PCDHA7: variants seen among roughly 807,000 people sequenced by gnomAD.
PCDHA7 encodes protocadherin alpha-7.
A neutral mutation model predicts 57.2 loss-of-function variants in PCDHA7; 37 were observed. The ratio of observed to expected loss-of-function variants is 0.65; its 90% confidence interval spans 0.50 to 0.85. PCDHA7 has a LOEUF of 0.85. PCDHA7 is among the 40% of genes least tolerant of loss of function. PCDHA7 has a pLI of 0.00. For synonymous variants in PCDHA7, 553 were observed against 558.8 expected (o/e 0.99, Z 0.15); for missense variants, 1,188 against 1,241.8 (o/e 0.96, Z 0.65).
chr5:140,928,012 A>C, intron 1 of PCDHA7: 2 of 1,614,190 alleles, frequency 1.2e-6, no homozygotes, highest in Non-Finnish European at 1.7e-6. Context: ...TTCTAATGGT[A>C]GGGTCATTTG....
At chr5:140,950,882 G>C (rs1182849126) in intron 1 of PCDHA7, among the ~76,000 whole-genome samples, 1 of 151,764 alleles carries the variant, frequency 6.6e-6, no homozygotes, top group Non-Finnish European at 1.5e-5. Flanking sequence ...TTGTTCAATA[G>C]GTCTCTGAGA....
chr5:140,927,643 G>A lies in PCDHA7; in HGVS notation c.2356-51306G>A. On this transcript the variant is annotated intron_variant, in intron 1 of 3. Coordinates refer to ENST00000525929, the MANE Select transcript of PCDHA7 (RefSeq NM_018910.3). The stretch of plus-strand genomic sequence containing the variant: ...TCCAGAGACTGCACCCAATGGGACT[G>A]TGTTATTCCGAGTTCAAGCCTTGGA... The A allele has an allele frequency of 3.7e-6, 6 of 1,614,170 alleles. No homozygotes were observed. Among genetic ancestry groups the A allele is most frequent in the South Asian group, 1.1e-5 (1 of 91,088 alleles).
At position 140,835,620 on chromosome 5, in the gene PCDHA7, C is replaced by G; in HGVS notation, c.1237C>G (p.Leu413Val). 3.7e-6 allele frequency: 6 copies of G among 1,613,942 alleles called. No homozygotes were observed. The South Asian group carries it at 5.5e-5, about 15-fold the overall frequency. Residue 413 changes from leucine (L) to valine (V), a missense_variant, in exon 1 of 4, where the codon CTG becomes GTG. This residue lies in a region of PCDHA7 where 892 missense variants were observed against 788.5 expected (regional missense o/e 1.13). Transcript: ENST00000525929. Reference sequence around the variant, plus strand: ...CTATTCATTGGTGCTGGACAGCGCTCTGGACCGCGAGAGTGTGTCCGCCTA... The same window carrying G: ...CTATTCATTGGTGCTGGACAGCGCTGTGGACCGCGAGAGTGTGTCCGCCTA... ...NYYSLVLDSA[L>V]DRESVSAYEL...
At chr5:140,956,930 A>G (rs2153711573) in intron 1 of PCDHA7, among the ~76,000 whole-genome samples, 1 of 151,954 alleles carries the variant, frequency 6.6e-6, no homozygotes, top group East Asian at 1.9e-4. Flanking sequence ...TGCTGGATAT[A>G]GGATAAAATT....
chr5:141,008,597 C>T (rs1485271666), intron 3 of PCDHA7, among the ~76,000 whole-genome samples: 1 of 152,224 alleles, frequency 6.6e-6, no homozygotes, highest in East Asian at 1.9e-4. Flanking sequence ...GATTTCACCT[C>T]CTCTGGAACC....
At chr5:140,893,141 C>A (rs1412974583) in intron 1 of PCDHA7, among the ~76,000 whole-genome samples, 1 of 152,192 alleles carries the variant, frequency 6.6e-6, no homozygotes, top group African/African-American at 2.4e-5. Flanking sequence ...TTTATCCACT[C>A]ATCTGTTGAT....
chr5:140,878,890 T>C (rs1219933788), intron 1 of PCDHA7, among the ~76,000 whole-genome samples: 1 of 152,242 alleles, frequency 6.6e-6, no homozygotes, highest in East Asian at 1.9e-4. Flanking sequence ...TAGCTGAGAC[T>C]ACAGGCAGGC....
chr5:140,862,415 G>T (rs1382532896), intron 1 of PCDHA7: 12 of 348,784 alleles, frequency 3.4e-5, no homozygotes, highest in Admixed American at 1.9e-4. Context: ...TTCAAAAGGC[G>T]CTGCCCAGAA....
chr5:140,857,783 C>T lies in PCDHA7; in HGVS notation c.2355+21045C>T, dbSNP rs782463412. 1.5e-5 allele frequency: 24 copies of T among 1,597,710 alleles called. No individual in the cohort carries two copies. The East Asian group carries it at 4.7e-4, about 31-fold the overall frequency. ...CAGCGCGGGCGGTGCAGTCAGTGAG[C>T]TGGTGCTGCGGTCGGTGGTTGCGGG... is the stretch of plus-strand genomic sequence containing the variant. On this transcript the variant is annotated intron_variant, in intron 1 of 3. Transcript: ENST00000525929.
intron 1 of PCDHA7, chr5:140,930,064 C>G (rs2153602971): frequency 6.6e-6 from 1 of 152,306 alleles, no homozygotes; most frequent in Non-Finnish European, 1.5e-5. Context: ...TACACAAAAA[C>G]TGTAAGCCTC....
chr5:140,993,463 CACACACACACACACA>C (rs2097564014), intron 3 of PCDHA7, among the ~76,000 whole-genome samples: 3 of 7,580 alleles, frequency 4.0e-4, no homozygotes, highest in African/African-American at 2.0e-3. Context: ...CTTTCTTTCT[CACACACACACACACA>C]CACACACACA....
intron 1 of PCDHA7, among the ~76,000 whole-genome samples, chr5:140,925,376 A>G (rs1010003214): frequency 2.0e-5 from 3 of 152,150 alleles, no homozygotes; most frequent in Non-Finnish European, 2.9e-5. Context: ...TCAATAGTCA[A>G]TGAGTCTCCT....
At chr5:140,962,947 A>T (rs2153733915) in intron 1 of PCDHA7, among the ~76,000 whole-genome samples, 2 of 152,320 alleles carry the variant, frequency 1.3e-5, no homozygotes, top group Admixed American at 1.3e-4. Context: ...TCCATAAGAT[A>T]TGCTCTATCC....
chr5:140,908,490 G>A (rs149646315), intron 1 of PCDHA7, among the ~76,000 whole-genome samples: 2 of 152,140 alleles, frequency 1.3e-5, no homozygotes, highest in Admixed American at 6.5e-5. Context: ...GGCAGTTCAG[G>A]TTGCTTGGTG....
intron 1 of PCDHA7, chr5:140,860,060 G>A (rs1238594068): frequency 2.0e-5 from 3 of 151,870 alleles, no homozygotes; most frequent in Admixed American, 6.6e-5. Context: ...AGGCCAAGGT[G>A]GGAGGATGGT....
chr5:140,852,052 A>G, intron 1 of PCDHA7: 1 of 915,096 alleles, frequency 1.1e-6, no homozygotes, highest in Non-Finnish European at 1.3e-6. Flanking sequence ...TATGTGGTTT[A>G]TATTTTTCTT....
chr5:140,849,883 T>C lies in PCDHA7; in HGVS notation c.2355+13145T>C, dbSNP rs2150456208. The C allele has an allele frequency of 4.4e-6, 7 of 1,598,290 alleles. No homozygotes were observed. Among genetic ancestry groups the C allele is most frequent in the Non-Finnish European group, 6.0e-6 (7 of 1,167,932 alleles). ...TTCGCGCAGTCCGAGTACACGGTGTTCGTGAAGGAGAACAACCCGCCGGGC... is the reference window on the plus strand; with the variant it reads ...TTCGCGCAGTCCGAGTACACGGTGTCCGTGAAGGAGAACAACCCGCCGGGC... On this transcript the variant is annotated intron_variant, in intron 1 of 3. Transcript: ENST00000525929.
chr5:140,941,191 T>TTTTTTTC lies in PCDHA7; in HGVS notation c.2356-37755_2356-37754insTTTCTTT, dbSNP rs1554213809. ...CATCTTGAACATCCTGCTTCTTTTT[T>TTTTTTTC]TTTCTTTCTTCCTTTCTTTCTTCCT... is the stretch of plus-strand genomic sequence containing the variant. On this transcript the variant is annotated intron_variant, in intron 1 of 3. Coordinates refer to ENST00000525929, the MANE Select transcript of PCDHA7 (RefSeq NM_018910.3). Among the ~76,000 whole-genome samples, 30 of 93,254 alleles carry TTTTTTTC rather than the reference T, an allele frequency of 3.2e-4. 1 individual carries two copies. Among genetic ancestry groups the TTTTTTTC allele is most frequent in the Admixed American group, 1.8e-3 (15 of 8,146 alleles). The allele number at this position is 93,254 out of a possible 152,430, so 61.2% of individuals were successfully genotyped here.
At chr5:140,895,273 A>T (rs2064941325) in intron 1 of PCDHA7, among the ~76,000 whole-genome samples, 2 of 151,970 alleles carry the variant, frequency 1.3e-5, no homozygotes, top group South Asian at 4.1e-4. Context: ...TTACTCAGGG[A>T]TAATTGAATT....
Sources: allele counts gnomAD v4.1 joint callset (sites outside exome capture counted in the v4.1 genomes callset), GRCh38; gene constraint gnomAD v4.1.1; regional missense constraint gnomAD v4.1.1; transcripts MANE v1.5; gene names NCBI Gene and HGNC (gene_info 2026-07-23, HGNC 2026-07-21).